Variants in MYO16 observed in about 807,000 individuals in gnomAD.
MYO16 encodes unconventional myosin-XVI.
A neutral mutation model predicts 205.3 loss-of-function variants in MYO16; 94 were observed. The observed-to-expected ratio is 0.46, with a 90% CI of 0.39 to 0.54. MYO16 has a LOEUF of 0.54. MYO16 is among the 20% of genes least tolerant of loss of function. The probability of loss-of-function intolerance (pLI) is 0.00; values close to 1 mark genes in which losing one functional copy is unlikely to be tolerated. For missense variants in MYO16, 2,315 were observed against 2,387.5 expected (o/e 0.97, Z 0.63); for synonymous variants, 988 against 954.0 (o/e 1.04, Z -0.66).
In MYO16 at chr13:108,928,836, T is replaced by C. The variant is rs1187035037; in HGVS notation, c.1925+18686T>C. Among the ~76,000 whole-genome samples, 3 of 152,204 alleles carry C rather than the reference T, an allele frequency of 2.0e-5. No homozygotes were observed. The East Asian group carries it at 5.8e-4, about 29-fold the overall frequency. ...AATCTGTACTTTTCATATCAAACTA[T>C]ATTTCAGACACGTGCAGTACAGTTA... On this transcript the variant is annotated intron_variant, in intron 16 of 34. Coordinates refer to ENST00000457511, the MANE Select transcript of MYO16 (RefSeq NM_001198950.3).
chr13:109,042,776 A>G (rs545220231), intron 23 of MYO16, among the ~76,000 whole-genome samples: 20 of 152,322 alleles, frequency 1.3e-4, no homozygotes, highest in Admixed American at 2.0e-4. Flanking sequence ...AAGAATGTAA[A>G]GAGCTTGTCT....
At chr13:108,753,388 A>C (rs1250461678) in intron 4 of MYO16, among the ~76,000 whole-genome samples, 4 of 133,036 alleles carry the variant, frequency 3.0e-5, no homozygotes, top group Non-Finnish European at 6.9e-5. Context: ...AAAAAAAAAA[A>C]AAAAAAACAA....
At chr13:108,525,743 A>G in the MYO16 span, among the ~76,000 whole-genome samples, 1 of 152,236 alleles carries the variant, frequency 6.6e-6, no homozygotes, top group African/African-American at 2.4e-5. Flanking sequence ...ATGAGCTTGA[A>G]GAGGGTTTCA....
chr13:108,498,887 C>T, the MYO16 span, among the ~76,000 whole-genome samples: 2 of 152,190 alleles, frequency 1.3e-5, no homozygotes, highest in Admixed American at 1.3e-4. Flanking sequence ...ACACCCATTC[C>T]ACATTGCCAA....
At chr13:108,898,351 A>T (rs141824920) in intron 15 of MYO16, among the ~76,000 whole-genome samples, 42 of 145,066 alleles carry the variant, frequency 2.9e-4, no homozygotes, top group Middle Eastern at 3.4e-3. Context: ...AGGGTGTGTG[A>T]GTGTGTGTGT....
At chr13:108,607,680 G>A (rs1391538905) in intron 1 of MYO16, among the ~76,000 whole-genome samples, 1 of 152,094 alleles carries the variant, frequency 6.6e-6, no homozygotes, top group African/African-American at 2.4e-5. Context: ...ACTAATACAT[G>A]TACTTGCTCC....
intron 7 of MYO16, among the ~76,000 whole-genome samples, 192 bp downstream of exon 7, chr13:108,806,996 G>T (rs142107309): frequency 3.9e-4 from 60 of 152,272 alleles, no homozygotes; most frequent in Middle Eastern, 6.8e-3. Flanking sequence ...TGTTCCTTAT[G>T]TATCTGAATA....
intron 21 of MYO16, among the ~76,000 whole-genome samples, chr13:109,005,484 T>C (rs1885358346): frequency 6.6e-6 from 1 of 152,178 alleles, no homozygotes; most frequent in South Asian, 2.1e-4. Flanking sequence ...GTTATTACTT[T>C]AATATTTTGT....
intron 28 of MYO16, among the ~76,000 whole-genome samples, chr13:109,112,166 A>G (rs984261630): frequency 6.6e-6 from 1 of 152,214 alleles, no homozygotes; most frequent in Non-Finnish European, 1.5e-5. Flanking sequence ...AGTAAATAGC[A>G]TCTCTTTTAG....
At chr13:108,609,697 T>C (rs1879100905) in intron 1 of MYO16, among the ~76,000 whole-genome samples, 1 of 152,194 alleles carries the variant, frequency 6.6e-6, no homozygotes. Context: ...AAAGTGAATT[T>C]TATACAGAGA....
chr13:108,682,572 C>T (rs1882506561), intron 2 of MYO16, among the ~76,000 whole-genome samples: 1 of 151,876 alleles, frequency 6.6e-6, no homozygotes, highest in Admixed American at 6.6e-5. Context: ...ATTAAATATT[C>T]CACAACAAAC....
intron 2 of MYO16, among the ~76,000 whole-genome samples, chr13:108,667,336 T>TG (rs61567434): frequency 6.6e-6 from 1 of 150,934 alleles, no homozygotes; most frequent in South Asian, 2.1e-4. Flanking sequence ...TTTTTTTTTT[T>TG]GTCTTAAACT....
chr13:108,556,211 C>G, the MYO16 span, among the ~76,000 whole-genome samples: 3 of 151,814 alleles, frequency 2.0e-5, no homozygotes, highest in African/African-American at 7.3e-5. Flanking sequence ...TTTTCAGGAA[C>G]TTTCACACTG....
intron 23 of MYO16, among the ~76,000 whole-genome samples, chr13:109,025,738 G>A (rs939129211): frequency 4.6e-5 from 7 of 152,146 alleles, no homozygotes; most frequent in Admixed American, 4.6e-4. Context: ...TGGCTCTTAG[G>A]AAAGTTAAAT....
intron 6 of MYO16, among the ~76,000 whole-genome samples, chr13:108,797,953 T>G (rs1250764351): frequency 6.6e-6 from 1 of 152,226 alleles, no homozygotes; most frequent in African/African-American, 2.4e-5. Flanking sequence ...CCTTGTGACC[T>G]TCTTTTTATT....
At chr13:108,830,730 T>C (rs145152852) in intron 9 of MYO16, among the ~76,000 whole-genome samples, 2,047 of 152,110 alleles carry the variant, frequency 0.013, 40 homozygotes, top group African/African-American at 0.045. Flanking sequence ...CGGCCCATTG[T>C]GCACAGGTAC....
At position 108,850,793 on chromosome 13, in the gene MYO16, A is replaced by G. The variant is rs577792138; in HGVS notation, c.1249-4650A>G. Reference sequence around the variant, plus strand: ...AGAAATGCAAGGAACTCTTCCCTTGATCTGCTCTCACACTGGCTCTGCCCC... The same window carrying G: ...AGAAATGCAAGGAACTCTTCCCTTGGTCTGCTCTCACACTGGCTCTGCCCC... On this transcript the variant is annotated intron_variant, in intron 10 of 34. Transcript: ENST00000457511. 2.1e-4 allele frequency among the ~76,000 whole-genome samples: 32 copies of G among 152,334 alleles called. No individual in the cohort carries two copies. In the South Asian group the frequency reaches 6.2e-3, roughly 30 times the overall value.
chr13:108,830,339 A>T (rs1876537037), intron 9 of MYO16, among the ~76,000 whole-genome samples: 1 of 140,786 alleles, frequency 7.1e-6, no homozygotes, highest in African/African-American at 2.6e-5. Context: ...TATTCACAAT[A>T]GCAAAGACCT....
chr13:108,638,841 T>C (rs1482416884), intron 1 of MYO16, among the ~76,000 whole-genome samples: 1 of 152,098 alleles, frequency 6.6e-6, no homozygotes, highest in East Asian at 1.9e-4. Flanking sequence ...ACCCAGTTGT[T>C]CCATGAGGAA....
Sources: allele counts gnomAD v4.1 joint callset (sites outside exome capture counted in the v4.1 genomes callset), GRCh38; gene constraint gnomAD v4.1.1; transcripts MANE v1.5; gene names NCBI Gene and HGNC (gene_info 2026-07-23, HGNC 2026-07-21).